The following DGLUCY variants were observed in gnomAD, a reference collection of about 807,000 sequenced individuals.
DGLUCY encodes D-glutamate cyclase, mitochondrial.
DGLUCY carries 58 observed loss-of-function variants against 58.5 expected under a neutral mutation model. That is an observed-to-expected ratio of 0.99 (90% CI 0.80 to 1.23). The LOEUF is 1.23. Ranked by LOEUF, DGLUCY falls within the 50% of genes most tolerant of loss-of-function variation. The probability of loss-of-function intolerance (pLI) is 0.00; values close to 1 mark genes in which losing one functional copy is unlikely to be tolerated. For synonymous variants in DGLUCY, 325 were observed against 314.1 expected (o/e 1.03, Z -0.37); for missense variants, 779 against 784.7 (o/e 0.99, Z 0.09).
intron 8 of DGLUCY, among the ~76,000 whole-genome samples, chr14:91,181,986 T>G (rs959340558): frequency 1.3e-5 from 2 of 151,526 alleles, no homozygotes; most frequent in African/African-American, 4.9e-5. Context: ...TATTTATTTA[T>G]TTATTTATTT....
chr14:91,136,541 A>G (rs1000639742), intron 1 of DGLUCY, among the ~76,000 whole-genome samples: 2 of 151,398 alleles, frequency 1.3e-5, no homozygotes, highest in African/African-American at 4.9e-5. Context: ...AAAATTAACC[A>G]GGCATGGTGG....
chr14:91,099,829 A>G (rs1037132816), intron 1 of DGLUCY, among the ~76,000 whole-genome samples: 1 of 152,090 alleles, frequency 6.6e-6, no homozygotes, highest in African/African-American at 2.4e-5. Flanking sequence ...GCAAGTTGCT[A>G]CCCCTCCCTA....
chr14:91,143,342 G>T (rs538621689), intron 1 of DGLUCY, among the ~76,000 whole-genome samples: 1 of 152,018 alleles, frequency 6.6e-6, no homozygotes, highest in East Asian at 1.9e-4. Flanking sequence ...TGATCTGCCC[G>T]CCTCTGCCTC....
Position 91,204,806 on chromosome 14 carries a change from T to A in DGLUCY, c.1545T>A (p.Ala515=). The A allele has an allele frequency of 6.2e-7, 1 of 1,614,092 alleles. No homozygotes were observed. Among genetic ancestry groups the A allele is most frequent in the Non-Finnish European group, 8.5e-7 (1 of 1,179,974 alleles). ...HGDVIACDVE[A]DFAVIAGVSN... ...ATGTCATCGCCTGCGACGTGGAGGC[T>A]GACTTTGCCGTCATTGCTGGTGAGC... Residue 515 remains alanine (A), a synonymous_variant, in exon 12 of 14, where the codon GCT becomes GCA. Transcript: ENST00000256324.
At chr14:91,097,041 A>G (rs1215910565) in intron 1 of DGLUCY, among the ~76,000 whole-genome samples, 2 of 152,216 alleles carry the variant, frequency 1.3e-5, no homozygotes, top group Non-Finnish European at 2.9e-5. Context: ...GGCTGGAGAA[A>G]AAAGAGATTG....
At chr14:91,111,328 T>C (rs6575175), upstream of DGLUCY, among the ~76,000 whole-genome samples, 106,556 of 148,946 alleles carry the variant, frequency 0.72, 39,499 homozygotes, top group East Asian at 0.9. Context: ...GTGGCCAGGC[T>C]GGAGTGCAGT....
At chr14:91,178,754 A>C (rs1283246105) in intron 7 of DGLUCY, among the ~76,000 whole-genome samples, 1 of 152,136 alleles carries the variant, frequency 6.6e-6, no homozygotes, top group African/African-American at 2.4e-5. Context: ...CTTTAAGCCA[A>C]GTGTGGTGGC....
rs187096582 is a variant in DGLUCY, at chr14:91,086,499, G to C, written c.-82+25795G>C. Among the ~76,000 whole-genome samples, 18 of 152,120 alleles carry C rather than the reference G, an allele frequency of 1.2e-4. No individual in the cohort carries two copies. The East Asian group carries it at 3.3e-3, about 28-fold the overall frequency. ...TTATAATATCAAATACAATGTAAAT[G>C]CTATATAGACCATTGTTACACTGTA... On this transcript the variant is annotated intron_variant, in intron 1 of 4. Transcript: ENST00000521334.
At chr14:91,187,699 G>C (rs1193372037) in intron 8 of DGLUCY, among the ~76,000 whole-genome samples, 1 of 152,218 alleles carries the variant, frequency 6.6e-6, no homozygotes, top group African/African-American at 2.4e-5. Context: ...GCACAGCTTG[G>C]TAGTGCAGAG....
chr14:91,067,322 G>C (rs541973627), intron 1 of DGLUCY, among the ~76,000 whole-genome samples: 6 of 152,170 alleles, frequency 3.9e-5, no homozygotes, highest in African/African-American at 7.2e-5. Context: ...AGTAAGCAAG[G>C]GGGGAGAGGG....
chr14:91,092,909 C>A (rs2140068763), intron 1 of DGLUCY, among the ~76,000 whole-genome samples: 1 of 152,078 alleles, frequency 6.6e-6, no homozygotes, highest in African/African-American at 2.4e-5. Flanking sequence ...CATGGTGAAA[C>A]CCTGTCTCTA....
chr14:91,112,096 A>C (rs562949454), upstream of DGLUCY, among the ~76,000 whole-genome samples: 15 of 151,984 alleles, frequency 9.9e-5, no homozygotes, highest in African/African-American at 3.6e-4. Flanking sequence ...AAAAAAATAC[A>C]AAATTAGCTG....
In DGLUCY at chr14:91,066,799, G is replaced by A. The variant is rs138496183; in HGVS notation, c.-82+6095G>A. On this transcript the variant is annotated intron_variant, in intron 1 of 4. Transcript: ENST00000521334. The stretch of plus-strand genomic sequence containing the variant: ...TTTCCTTGCTAGAAAGAGTTATTTC[G>A]GCCGGGCGCGGTGGCTCACGCCTGT... 1.9e-3 allele frequency among the ~76,000 whole-genome samples: 288 copies of A among 152,068 alleles called. 2 individuals carry two copies. The highest frequency in any genetic ancestry group is 6.5e-3 in the African/African-American group (270 of 41,492).
Position 91,182,027 on chromosome 14 carries a change from C to CTGGA in DGLUCY, c.934+639_934+642dup, listed in dbSNP as rs561747178. 2.4e-4 allele frequency among the ~76,000 whole-genome samples: 37 copies of CTGGA among 151,690 alleles called. No individual in the cohort carries two copies. The East Asian group carries it at 6.8e-3, about 28-fold the overall frequency. On this transcript the variant is annotated intron_variant, in intron 8 of 13. Coordinates refer to ENST00000256324, the MANE Select transcript of DGLUCY (RefSeq NM_001102368.3). ...ATGGAGTCTCACTCTGTTGCCCAGG[C>CTGGA]TGGAGTGTGGTGGTGCAATCTCAAT...
At chr14:91,125,567 G>A (rs915543238) in intron 1 of DGLUCY, 1 of 152,236 alleles carries the variant, frequency 6.6e-6, no homozygotes, top group African/African-American at 2.4e-5. Flanking sequence ...TCTGTGGGGT[G>A]ACAAATGACC....
intron 1 of DGLUCY, among the ~76,000 whole-genome samples, chr14:91,073,560 C>T (rs1318919535): frequency 6.6e-6 from 1 of 152,164 alleles, no homozygotes; most frequent in Non-Finnish European, 1.5e-5. Context: ...GCCTCAAACT[C>T]CTGACCTCAA....
At chr14:91,140,446 C>T (rs539169575) in intron 1 of DGLUCY, among the ~76,000 whole-genome samples, 12 of 152,126 alleles carry the variant, frequency 7.9e-5, no homozygotes, top group African/African-American at 2.7e-4. Context: ...CTGAGGCTGG[C>T]GGATCACCTG....
chr14:91,186,258 T>C (rs1595870080), intron 8 of DGLUCY, among the ~76,000 whole-genome samples: 1 of 150,606 alleles, frequency 6.6e-6, no homozygotes, highest in Non-Finnish European at 1.5e-5. Flanking sequence ...TCGCCCCCCC[T>C]TTTTTTGAGA....
At chr14:91,188,590 C>G (rs2140498381) in intron 8 of DGLUCY, among the ~76,000 whole-genome samples, 1 of 152,246 alleles carries the variant, frequency 6.6e-6, no homozygotes, top group African/African-American at 2.4e-5. Context: ...CTTTGGGAGG[C>G]CAAGGTGGGA....
Sources: gnomAD v4.1 joint callset for allele counts (sites outside exome capture counted in the v4.1 genomes callset) on GRCh38, gnomAD v4.1.1 for gene constraint, MANE v1.5 for transcripts, NCBI Gene and HGNC (gene_info 2026-07-23, HGNC 2026-07-21) for gene names.